The following CTNND2 variants were observed in gnomAD, a reference collection of about 807,000 sequenced individuals.
CTNND2 encodes catenin delta 2, also known as catenin delta-2.
CTNND2 carries 22 observed loss-of-function variants against 144.4 expected under a neutral mutation model. That is an observed-to-expected ratio of 0.15 (90% CI 0.11 to 0.22). The LOEUF is 0.22. CTNND2 is among the 10% of genes least tolerant of loss of function. CTNND2 has a pLI of 1.00. For synonymous variants in CTNND2, 751 were observed against 695.6 expected (o/e 1.08, Z -1.25); for missense variants, 1,353 against 1,618.8 (o/e 0.84, Z 2.82).
chr5:11,778,015 C>T (rs140564057), intron 1 of CTNND2, among the ~76,000 whole-genome samples: 276 of 152,152 alleles, frequency 1.8e-3, no homozygotes, highest in African/African-American at 6.5e-3. Flanking sequence ...ACTACTTGTC[C>T]CAAACTACCT....
At chr5:11,146,527 A>G (rs1757261299) in intron 12 of CTNND2, among the ~76,000 whole-genome samples, 1 of 152,252 alleles carries the variant, frequency 6.6e-6, no homozygotes, top group Non-Finnish European at 1.5e-5. Flanking sequence ...AAGACATAAT[A>G]TATCATTTAT....
intron 3 of CTNND2, among the ~76,000 whole-genome samples, chr5:11,429,493 G>A (rs965202014): frequency 6.6e-5 from 10 of 152,132 alleles, no homozygotes; most frequent in Non-Finnish European, 1.2e-4. Context: ...GAAGCAGCTC[G>A]GGAAATTCGC....
intron 8 of CTNND2, among the ~76,000 whole-genome samples, chr5:11,355,530 A>G (rs1417071471): frequency 6.6e-6 from 1 of 152,142 alleles, no homozygotes; most frequent in East Asian, 1.9e-4. Context: ...CAACACAATA[A>G]ATTTAAGCCA....
chr5:11,154,072 G>A (rs1337621606), intron 12 of CTNND2, among the ~76,000 whole-genome samples: 1 of 152,192 alleles, frequency 6.6e-6, no homozygotes, highest in Non-Finnish European at 1.5e-5. Flanking sequence ...AATGGGAAAT[G>A]CAGTCATGTT....
chr5:11,758,472 C>G (rs1020171141), intron 1 of CTNND2, among the ~76,000 whole-genome samples: 3 of 151,910 alleles, frequency 2.0e-5, no homozygotes, highest in African/African-American at 7.2e-5. Flanking sequence ...AAACTTTGCA[C>G]CTCTTGACCA....
At chr5:11,820,613 T>C (rs1561832931) in intron 1 of CTNND2, among the ~76,000 whole-genome samples, 1 of 152,210 alleles carries the variant, frequency 6.6e-6, no homozygotes, top group Non-Finnish European at 1.5e-5. Context: ...TTACCCTATG[T>C]TAAAGATTTC....
chr5:11,187,258 A>G (rs1735729106), intron 11 of CTNND2, among the ~76,000 whole-genome samples: 1 of 152,230 alleles, frequency 6.6e-6, no homozygotes, highest in Non-Finnish European at 1.5e-5. Flanking sequence ...TATGAGAAAC[A>G]GAGACAAATG....
At chr5:11,620,215 T>C (rs1780766060) in intron 2 of CTNND2, among the ~76,000 whole-genome samples, 1 of 152,134 alleles carries the variant, frequency 6.6e-6, no homozygotes, top group Non-Finnish European at 1.5e-5. Context: ...CTGGCTGACC[T>C]GGAAGGGACA....
chr5:11,869,877 AC>A (rs1172715030), intron 1 of CTNND2, among the ~76,000 whole-genome samples: 1 of 152,222 alleles, frequency 6.6e-6, no homozygotes, highest in Non-Finnish European at 1.5e-5. Context: ...GGTGTTAGGA[AC>A]AAAATGCAAA....
Position 11,720,175 on chromosome 5 carries a change from T to C in CTNND2, c.174+11961A>G, listed in dbSNP as rs576366341. Reference sequence around the variant, plus strand: ...CCGTACTTGAGAGTACTTCCCTAAATTTGTCATTTGCTGGCATCTTTGAGA... The same window carrying C: ...CCGTACTTGAGAGTACTTCCCTAAACTTGTCATTTGCTGGCATCTTTGAGA... On this transcript the variant is annotated intron_variant, in intron 2 of 21. Coordinates refer to ENST00000304623, the MANE Select transcript of CTNND2 (RefSeq NM_001332.4). Among the ~76,000 whole-genome samples the C allele has an allele frequency of 2.0e-5, 3 of 152,202 alleles. No homozygotes were observed. The East Asian group carries it at 5.8e-4, about 29-fold the overall frequency.
At chr5:11,388,494 A>G (rs537563935) in intron 6 of CTNND2, among the ~76,000 whole-genome samples, 1 of 152,370 alleles carries the variant, frequency 6.6e-6, no homozygotes, top group East Asian at 1.9e-4. Context: ...ACAGTTGTCT[A>G]AGCTCCTCTG....
intron 14 of CTNND2, among the ~76,000 whole-genome samples, chr5:11,109,057 G>A (rs776503003): frequency 6.6e-5 from 10 of 152,170 alleles, no homozygotes; most frequent in Non-Finnish European, 1.3e-4. Context: ...GGGGAGACGC[G>A]CCTTCTTGGC....
intron 2 of CTNND2, among the ~76,000 whole-genome samples, chr5:11,573,953 A>G (rs927811195): frequency 2.0e-5 from 3 of 152,192 alleles, no homozygotes; most frequent in African/African-American, 7.2e-5. Context: ...TGAAATTAAC[A>G]AAGGCTACAT....
At chr5:11,243,261 G>A (rs1267135580) in intron 9 of CTNND2, among the ~76,000 whole-genome samples, 2 of 152,194 alleles carry the variant, frequency 1.3e-5, no homozygotes, top group Non-Finnish European at 2.9e-5. Flanking sequence ...GACTTGGTTC[G>A]AATCCTGCTC....
Position 11,903,102 on chromosome 5 carries a change from C to G in CTNND2, c.37+715G>C. The G allele has an allele frequency of 1.4e-6, 1 of 740,524 alleles. No individual in the cohort carries two copies. Among genetic ancestry groups the G allele is most frequent in the Non-Finnish European group, 1.6e-6 (1 of 606,330 alleles). 45.9% of individuals were successfully genotyped at this position (740,524 alleles called of 1,614,324 possible). A position where few individuals can be genotyped will look rare whatever the true frequency, so the allele number is the denominator to read the frequency against. On this transcript the variant is annotated intron_variant, in intron 1 of 21. Transcript: ENST00000304623. The surrounding 1 kb of genome is among the most constrained non-coding windows in gnomAD (Gnocchi z 5.4). Reference sequence around the variant, plus strand: ...AAAAAGAAAAAAGCAGCTTCGCTTTCAGCCATTAATTACGGATCACCCCAA... The same window carrying G: ...AAAAAGAAAAAAGCAGCTTCGCTTTGAGCCATTAATTACGGATCACCCCAA...
At chr5:11,236,584 TA>T in intron 10 of CTNND2, 106 bp downstream of exon 10, 1 of 1,239,034 alleles carries the variant, frequency 8.1e-7, no homozygotes, top group East Asian at 2.3e-5. Context: ...ATCTAAATTT[TA>T]AAAGCATAAC....
At chr5:11,664,363 C>T (rs1047344423) in intron 2 of CTNND2, among the ~76,000 whole-genome samples, 1 of 152,092 alleles carries the variant, frequency 6.6e-6, no homozygotes, top group Non-Finnish European at 1.5e-5. Flanking sequence ...GAGGCCAAGG[C>T]CAGCGGATCA....
chr5:11,412,838 G>A (rs1761649800), intron 3 of CTNND2, among the ~76,000 whole-genome samples: 1 of 152,078 alleles, frequency 6.6e-6, no homozygotes, highest in Non-Finnish European at 1.5e-5. Context: ...ATTCCTGAAA[G>A]ACATCATTTT....
intron 1 of CTNND2, among the ~76,000 whole-genome samples, chr5:11,788,959 G>A (rs975461916): frequency 1.1e-4 from 17 of 151,826 alleles, no homozygotes; most frequent in Admixed American, 6.6e-5. Context: ...ATAGTTTGCT[G>A]AGAATGATGG....
Sources: allele counts gnomAD v4.1 joint callset (sites outside exome capture counted in the v4.1 genomes callset), GRCh38; gene constraint gnomAD v4.1.1; non-coding constraint Gnocchi (gnomAD v3.1); transcripts MANE v1.5; gene names NCBI Gene and HGNC (gene_info 2026-07-23, HGNC 2026-07-21).